The following DMD variants were observed in gnomAD, a reference collection of about 807,000 sequenced individuals.
DMD encodes dystrophin, also known as mutant dystrophin.
Under a neutral mutation model 330.1 loss-of-function variants are expected in DMD, and 63 were observed. The ratio of observed to expected loss-of-function variants is 0.19; its 90% CI spans 0.16 to 0.24. The LOEUF (loss-of-function observed/expected upper bound fraction) is 0.24, where lower values mean the gene tolerates loss of function less well. Among genes scored for constraint, DMD ranks in the 10% least tolerant of loss-of-function variants. The pLI, the probability that DMD is intolerant of heterozygous loss-of-function variation, is 1.00. For synonymous variants in DMD, 1,223 were observed against 959.8 expected (o/e 1.27, Z -5.07); for missense variants, 3,344 against 2,684.1 (o/e 1.25, Z -5.43).
At chrX:32,587,792 C>CTGA (rs1388022139) in intron 13 of DMD, among the ~76,000 whole-genome samples, 2 of 111,608 alleles carry the variant, frequency 1.8e-5, no homozygotes, top group Admixed American at 9.6e-5. Flanking sequence ...ATGCTCTGGG[C>CTGA]TGATGATGAT....
At chrX:32,093,061 C>T (rs1275783667) in intron 44 of DMD, among the ~76,000 whole-genome samples, 2 of 111,124 alleles carry the variant, frequency 1.8e-5, no homozygotes, top group African/African-American at 6.5e-5. Flanking sequence ...CTCATTGGCG[C>T]TAACATTAAA....
At chrX:31,565,361 C>G (rs750639666) in intron 55 of DMD, among the ~76,000 whole-genome samples, 3 of 111,666 alleles carry the variant, frequency 2.7e-5, no homozygotes, top group Non-Finnish European at 5.7e-5. Context: ...TCTGTCACTT[C>G]AAGACGGCTA....
intron 67 of DMD, among the ~76,000 whole-genome samples, chrX:31,198,100 G>A (rs1479284809): frequency 9.2e-6 from 1 of 108,972 alleles, no homozygotes. Context: ...GGGAAATGTA[G>A]TGAAGATCGG....
chrX:32,222,104 C>T (rs139070576), intron 43 of DMD, among the ~76,000 whole-genome samples: 3 of 111,903 alleles, frequency 2.7e-5, no homozygotes, highest in East Asian at 2.8e-4. Flanking sequence ...GGTACATAAT[C>T]GGTAGTGAGA....
chrX:32,325,569 G>C (rs2097646780), intron 41 of DMD, among the ~76,000 whole-genome samples: 1 of 111,678 alleles, frequency 9.0e-6, no homozygotes, highest in Non-Finnish European at 1.9e-5. Flanking sequence ...AAAGCATTTT[G>C]AAACAATTTC....
chrX:32,377,711 T>C (rs188884702), intron 34 of DMD, among the ~76,000 whole-genome samples: 1 of 111,735 alleles, frequency 8.9e-6, no homozygotes, highest in Non-Finnish European at 1.9e-5. Context: ...TAATTCTACT[T>C]AAAAGCTCAG....
intron 40 of DMD, 47 bp downstream of exon 40, chrX:32,343,087 T>A (rs376181480): frequency 1.8e-6 from 2 of 1,125,264 alleles, no homozygotes; most frequent in African/African-American, 3.6e-5. Flanking sequence ...ACAGGTTAAT[T>A]AAACTGTATA....
intron 9 of DMD, among the ~76,000 whole-genome samples, chrX:32,695,766 A>AT (rs1235043088): frequency 1.8e-5 from 2 of 111,972 alleles, no homozygotes; most frequent in African/African-American, 6.5e-5. Context: ...TTAAATTATT[A>AT]TTAAATTATG....
At chrX:31,797,908 A>G (rs1048959556) in intron 50 of DMD, among the ~76,000 whole-genome samples, 1 of 112,121 alleles carries the variant, frequency 8.9e-6, no homozygotes, top group Non-Finnish European at 1.9e-5. Context: ...AAAACAAAGA[A>G]TCTTCAGTGA....
chrX:31,977,787 CAAAAA>C (rs759262885), intron 44 of DMD, among the ~76,000 whole-genome samples: 1 of 60,348 alleles, frequency 1.7e-5, no homozygotes, highest in Admixed American at 2.0e-4. Flanking sequence ...CTCTGCAAAT[CAAAAA>C]AAAAAAAAAA....
intron 44 of DMD, among the ~76,000 whole-genome samples, chrX:32,086,168 G>C (rs1205283365): frequency 8.9e-6 from 1 of 111,933 alleles, no homozygotes; most frequent in Non-Finnish European, 1.9e-5. Flanking sequence ...TTACTCTTGG[G>C]AGACTAATGA....
At position 32,300,300 on chromosome X, in the gene DMD, T is replaced by C. The variant is rs181571023; in HGVS notation, c.6117+9782A>G. Among the ~76,000 whole-genome samples the C allele has an allele frequency of 2.6e-3, 292 of 111,932 alleles. 1 individual carries two copies. The highest frequency in any genetic ancestry group is 9.0e-3 in the African/African-American group (277 of 30,902). On this transcript the variant is annotated intron_variant, in intron 42 of 78. Coordinates refer to ENST00000357033, the MANE Select transcript of DMD (RefSeq NM_004006.3). ...CAGGTAATTCCTTGTTTATTCTACT[T>C]TACTTTTACAAGACATTAGCTGTTG...
intron 54 of DMD, among the ~76,000 whole-genome samples, chrX:31,629,152 TA>T (rs755554173): frequency 9.0e-6 from 1 of 111,482 alleles, no homozygotes; most frequent in East Asian, 2.8e-4. Context: ...AAACATAAGC[TA>T]AAAATGGATT....
intron 29 of DMD, among the ~76,000 whole-genome samples, chrX:32,416,187 T>C (rs1474410209): frequency 8.9e-6 from 1 of 111,738 alleles, no homozygotes; most frequent in Admixed American, 9.5e-5. Context: ...AGAAAAAAAA[T>C]CATTTAATAA....
chrX:31,539,615 GTAGTA>G (rs1307819058), intron 55 of DMD, among the ~76,000 whole-genome samples: 2 of 111,874 alleles, frequency 1.8e-5, no homozygotes, highest in Admixed American at 1.9e-4. Context: ...CATGTTATAA[GTAGTA>G]GGGGTCATTG....
At chrX:32,311,139 C>A (rs896371306) in intron 41 of DMD, among the ~76,000 whole-genome samples, 1 of 110,856 alleles carries the variant, frequency 9.0e-6, no homozygotes, top group Non-Finnish European at 1.9e-5. Context: ...TCTGTCTACA[C>A]TATAGGCAGC....
chrX:32,578,337 A>T (rs1404300605), intron 13 of DMD, among the ~76,000 whole-genome samples: 1 of 112,410 alleles, frequency 8.9e-6, no homozygotes, highest in African/African-American at 3.2e-5. Flanking sequence ...TGAATTACAA[A>T]GTCTCACAAA....
intron 1 of DMD, chrX:33,041,395 A>G: frequency 5.9e-6 from 7 of 1,192,012 alleles, no homozygotes; most frequent in Non-Finnish European, 7.9e-6. Context: ...TCGAGGGACC[A>G]TGGCCGATCC....
chrX:32,457,367 G>C (rs780420222), intron 25 of DMD, among the ~76,000 whole-genome samples: 1 of 110,972 alleles, frequency 9.0e-6, no homozygotes, highest in Non-Finnish European at 1.9e-5. Context: ...AACGGGAATG[G>C]AGAGGTTGCT....
Sources: allele counts gnomAD v4.1 joint callset (sites outside exome capture counted in the v4.1 genomes callset), GRCh38; gene constraint gnomAD v4.1.1; transcripts MANE v1.5; gene names NCBI Gene and HGNC (gene_info 2026-07-23, HGNC 2026-07-21).